FGD5: variants seen among roughly 807,000 people sequenced by gnomAD.
FGD5 encodes FYVE, RhoGEF and PH domain containing 5, also known as FYVE, RhoGEF and PH domain-containing protein 5.
Under a neutral mutation model 133.4 loss-of-function variants are expected in FGD5, and 28 were observed. The observed-to-expected ratio is 0.21, with a 90% CI of 0.16 to 0.29. The LOEUF is 0.29. Among genes scored for constraint, FGD5 ranks in the 10% least tolerant of loss-of-function variants. The probability of loss-of-function intolerance (pLI) is 1.00; values close to 1 mark genes in which losing one functional copy is unlikely to be tolerated. For synonymous variants in FGD5, 810 were observed against 776.5 expected (o/e 1.04, Z -0.72); for missense variants, 1,858 against 1,895.2 (o/e 0.98, Z 0.36).
intron 2 of FGD5, among the ~76,000 whole-genome samples, chr3:14,865,030 C>T (rs1001697342): frequency 2.6e-5 from 4 of 152,140 alleles, no homozygotes; most frequent in South Asian, 2.1e-4. Context: ...GGAAGCATCA[C>T]GGGGTGATAT....
At chr3:14,882,349 C>T in intron 4 of FGD5, 2 of 985,134 alleles carry the variant, frequency 2.0e-6, no homozygotes. Context: ...GACATTGAAG[C>T]CCCTGGTAAT....
chr3:14,859,888 C>T (rs544711189), intron 1 of FGD5, among the ~76,000 whole-genome samples: 38 of 152,150 alleles, frequency 2.5e-4, no homozygotes, highest in Non-Finnish European at 4.9e-4. Flanking sequence ...CCACTCCCCC[C>T]CCAAAAAGGG....
chr3:14,845,291 A>G (rs1217817341), intron 1 of FGD5, among the ~76,000 whole-genome samples: 1 of 152,186 alleles, frequency 6.6e-6, no homozygotes, highest in Non-Finnish European at 1.5e-5. Context: ...TGCTGGCCAC[A>G]TCGACCCCTA....
At position 14,880,725 on chromosome 3, in the gene FGD5, C is replaced by T. The variant is rs777912871; in HGVS notation, c.2718-17C>T. On this transcript the variant is annotated splice_polypyrimidine_tract_variant and intron_variant, in intron 3 of 19. Coordinates refer to ENST00000285046, the MANE Select transcript of FGD5 (RefSeq NM_152536.4). ...GGATGGGGATTAATGCAGCCTCAAC[C>T]CTCTTTCCCTCTGCAGATACGTGGA... The T allele has an allele frequency of 2.5e-6, 4 of 1,613,986 alleles. No homozygotes were observed. The highest frequency in any genetic ancestry group is 2.2e-5 in the South Asian group (2 of 91,072).
At position 14,922,540 on chromosome 3, in the gene FGD5, T is replaced by G; in HGVS notation, c.3799T>G (p.Cys1267Gly). ...CCTGCGGCGTCATCACTGTCACGCC[T>G]GTGGCAAGGTGAGTCGCTGCATCTG... ...LTLRRHHCHA[C>G]GKIVCRNCSR... Residue 1267 changes from cysteine (C) to glycine (G), a missense_variant, in exon 15 of 20, where the codon TGT becomes GGT. This residue lies in a region of FGD5 where 1,824 missense variants were observed against 1,848.9 expected (regional missense o/e 0.99). Transcript: ENST00000285046. The surrounding 1 kb of genome is among the most constrained non-coding windows in gnomAD (Gnocchi z 4.1). 6.3e-7 allele frequency: 1 copy of G among 1,579,418 alleles called. No individual in the cohort carries two copies. Among genetic ancestry groups the G allele is most frequent in the Non-Finnish European group, 8.6e-7 (1 of 1,163,084 alleles).
At chr3:14,918,863 C>T in intron 13 of FGD5, 30 bp downstream of exon 13, 1 of 1,610,620 alleles carries the variant, frequency 6.2e-7, no homozygotes, top group Non-Finnish European at 8.5e-7. Flanking sequence ...GGATGGCGCA[C>T]AAGGCAGAGG....
Position 14,832,499 on chromosome 3 carries a change from C to G in FGD5, c.2525+10903C>G, listed in dbSNP as rs2036731222. The stretch of plus-strand genomic sequence containing the variant: ...AGGCAGTTTCCAGCACCCAGGCTCT[C>G]AGCTCTGCTGTGTGGTTCCTTCTTT... On this transcript the variant is annotated intron_variant, in intron 1 of 19. Transcript: ENST00000285046. Among the ~76,000 whole-genome samples, 13 of 152,330 alleles carry G rather than the reference C, an allele frequency of 8.5e-5. No individual in the cohort carries two copies. In the South Asian group the frequency reaches 2.7e-3, roughly 32 times the overall value.
intron 11 of FGD5, among the ~76,000 whole-genome samples, chr3:14,914,509 CG>C (rs1157618812): frequency 6.6e-6 from 1 of 152,200 alleles, no homozygotes; most frequent in Non-Finnish European, 1.5e-5. Flanking sequence ...AAGGAGACCT[CG>C]GGGTGCTCAT....
rs189830530 is a variant in FGD5, at chr3:14,820,716, C to G, written c.1645C>G (p.Arg549Gly). ...AKPRAFTLYP[R>G]SFSVEGREIP... The stretch of plus-strand genomic sequence containing the variant: ...GCCCAGGGCCTTTACTTTATACCCT[C>G]GGTCGTTCTCCGTGGAAGGCCGAGA... The change falls in exon 1 of 20, where the codon CGG (arginine) becomes GGG (glycine). Residue 549 changes from arginine to glycine, a missense_variant. By Grantham distance (125) the Arg-to-Gly change is moderately radical. This residue lies in a region of FGD5 where 1,824 missense variants were observed against 1,848.9 expected (regional missense o/e 0.99). Transcript: ENST00000285046. The G allele has an allele frequency of 1.2e-6, 2 of 1,600,056 alleles. No individual in the cohort carries two copies. Among genetic ancestry groups the G allele is most frequent in the South Asian group, 2.3e-5 (2 of 88,420 alleles).
At chr3:14,897,827 A>C (rs1473934117) in intron 5 of FGD5, 112 bp from the exon 6 acceptor site, 1 of 1,489,234 alleles carries the variant, frequency 6.7e-7, no homozygotes, top group Non-Finnish European at 9.0e-7. Flanking sequence ...CAACTGTGCA[A>C]GGGTTGAGCT....
At chr3:14,811,255 G>C (rs1271547385) in intron 1 of FGD5, 1 of 152,202 alleles carries the variant, frequency 6.6e-6, no homozygotes, top group Non-Finnish European at 1.5e-5. Flanking sequence ...GTCCCGGACC[G>C]GTCCTTGCTC....
intron 9 of FGD5, among the ~76,000 whole-genome samples, chr3:14,905,031 A>G (rs901244600): frequency 3.3e-5 from 5 of 151,962 alleles, no homozygotes; most frequent in African/African-American, 4.8e-5. Context: ...CATTCTAATC[A>G]TGACCACACT....
At chr3:14,902,732 T>C (rs1337171109) in intron 9 of FGD5, among the ~76,000 whole-genome samples, 6 of 152,120 alleles carry the variant, frequency 3.9e-5, no homozygotes, top group Non-Finnish European at 8.8e-5. Flanking sequence ...TAGAGGTGCT[T>C]TGGGGTCCAG....
intron 1 of FGD5, among the ~76,000 whole-genome samples, chr3:14,859,859 G>C (rs905929523): frequency 6.6e-6 from 1 of 150,842 alleles, no homozygotes; most frequent in Non-Finnish European, 1.5e-5. Context: ...AGTTCCATCT[G>C]GGTCCATTAC....
upstream of FGD5, among the ~76,000 whole-genome samples, chr3:14,818,800 G>A (rs919653017): frequency 2.0e-5 from 3 of 152,226 alleles, no homozygotes; most frequent in African/African-American, 4.8e-5. Context: ...AAAGATTCTG[G>A]TGGAGGGCAT....
At position 14,897,673 on chromosome 3, in the gene FGD5, A is replaced by G. The variant is rs1279612939; in HGVS notation, c.2909+4A>G. On this transcript the variant is annotated splice_donor_region_variant and intron_variant, in intron 5 of 19. Coordinates refer to ENST00000285046, the MANE Select transcript of FGD5 (RefSeq NM_152536.4). ...TGGAGGAAAGGCTGTCAAATTGGTG[A>G]GCAGTCCCTGGACCCCCGGGTTCCA... 5.0e-6 allele frequency: 8 copies of G among 1,600,562 alleles called. No homozygotes were observed. The highest frequency in any genetic ancestry group is 6.8e-6 in the Non-Finnish European group (8 of 1,173,756).
In FGD5 at chr3:14,891,655, C is replaced by T. The variant is rs909059778; in HGVS notation, c.2749-5854C>T. ...CAGAGTGGGCCACCCTCCTCGTGTC[C>T]TCCCCGTAGTTCCTGGCAGAGCAGG... On this transcript the variant is annotated intron_variant, in intron 4 of 19. Transcript: ENST00000285046. Among the ~76,000 whole-genome samples, 4 of 152,340 alleles carry T rather than the reference C, an allele frequency of 2.6e-5. No homozygotes were observed. The East Asian group carries it at 7.7e-4, about 29-fold the overall frequency.
rs867087950 is a variant in FGD5, at chr3:14,892,828, A to G, written c.2749-4681A>G. The stretch of plus-strand genomic sequence containing the variant: ...GAGCAAAAATCCATCTCAAAAAAAA[A>G]AAAGAAAGAAAGAAAGAAAGAAAAC... On this transcript the variant is annotated intron_variant, in intron 4 of 19. Transcript: ENST00000285046. Among the ~76,000 whole-genome samples the G allele has an allele frequency of 9.4e-4, 143 of 151,348 alleles. 1 individual carries two copies. In the Middle Eastern group the frequency reaches 0.01, roughly 11 times the overall value.
In FGD5 at chr3:14,922,578, G is replaced by A. The variant is rs759916576; in HGVS notation, c.3807+30G>A. On this transcript the variant is annotated intron_variant, in intron 15 of 19. Transcript: ENST00000285046. This position sits in a 1 kb window ranked among gnomAD's most constrained non-coding sequence, Gnocchi z 4.1. The stretch of plus-strand genomic sequence containing the variant: ...GTCGCTGCATCTGGGGTGAGTGTGT[G>A]CATGGGGGTGGGGTGGGGGAAGGGC... The A allele has an allele frequency of 1.3e-6, 2 of 1,558,906 alleles. No homozygotes were observed. Among genetic ancestry groups the A allele is most frequent in the Admixed American group, 1.9e-5 (1 of 52,842 alleles).
Sources: gnomAD v4.1 joint callset for allele counts (sites outside exome capture counted in the v4.1 genomes callset) on GRCh38, gnomAD v4.1.1 for gene constraint, gnomAD v4.1.1 regional missense constraint, Gnocchi (gnomAD v3.1) non-coding constraint, MANE v1.5 for transcripts, NCBI Gene and HGNC (gene_info 2026-07-23, HGNC 2026-07-21) for gene names.